The following SUGCT variants were observed in gnomAD, a reference collection of about 807,000 sequenced individuals.
SUGCT encodes succinyl-CoA:glutarate-CoA transferase.
Under a neutral mutation model 55.0 loss-of-function variants are expected in SUGCT, and 41 were observed. The ratio of observed to expected loss-of-function variants is 0.74; its 90% CI spans 0.58 to 0.97. The LOEUF (loss-of-function observed/expected upper bound fraction) is 0.97. Ranked by LOEUF, SUGCT falls within the 50% of genes least tolerant of loss-of-function variation. SUGCT has a pLI of 0.00. For missense variants in SUGCT, 568 were observed against 547.8 expected (o/e 1.04, Z -0.37); for synonymous variants, 187 against 200.4 (o/e 0.93, Z 0.56).
Position 40,160,921 on chromosome 7 carries a change from T to C in SUGCT, c.101-20026T>C, listed in dbSNP as rs184928045. On this transcript the variant is annotated intron_variant, in intron 1 of 13. Coordinates refer to ENST00000335693, the MANE Select transcript of SUGCT (RefSeq NM_001193313.2). ...ATGATTTTCATAGCATACTGATATA[T>C]ACACACACACACATATATATAATAT... Among the ~76,000 whole-genome samples, 1,050 of 152,050 alleles carry C rather than the reference T, an allele frequency of 6.9e-3. 8 individuals are homozygous for C. The highest frequency in any genetic ancestry group is 0.011 in the Non-Finnish European group (731 of 67,964).
intron 13 of SUGCT, among the ~76,000 whole-genome samples, chr7:40,752,994 T>C (rs1788091699): frequency 6.6e-6 from 1 of 152,178 alleles, no homozygotes; most frequent in African/African-American, 2.4e-5. Context: ...CTAGTTAATG[T>C]TTGGAATTAG....
At chr7:40,140,478 G>A (rs1787924888) in intron 1 of SUGCT, among the ~76,000 whole-genome samples, 1 of 152,122 alleles carries the variant, frequency 6.6e-6, no homozygotes, top group Admixed American at 6.5e-5. Context: ...TCAGTTCATT[G>A]CAACCTCCGC....
intron 7 of SUGCT, among the ~76,000 whole-genome samples, chr7:40,238,778 G>A (rs1298797502): frequency 3.4e-5 from 5 of 147,028 alleles, no homozygotes; most frequent in African/African-American, 7.5e-5. Context: ...TTTCATCTTC[G>A]TTTCATTTTC....
At chr7:40,539,078 CAA>C (rs34855051) in intron 12 of SUGCT, 70 of 103,496 alleles carry the variant, frequency 6.8e-4, no homozygotes, top group African/African-American at 7.6e-4. Flanking sequence ...GACTCCATCT[CAA>C]AAAAAAAAAA....
the SUGCT span, among the ~76,000 whole-genome samples, chr7:40,911,739 A>G: frequency 3.3e-5 from 5 of 152,154 alleles, no homozygotes; most frequent in Non-Finnish European, 5.9e-5. Context: ...GTCTCCACAC[A>G]TTGCCAAATG....
the SUGCT span, among the ~76,000 whole-genome samples, chr7:41,014,484 A>G: frequency 1.3e-5 from 2 of 152,224 alleles, no homozygotes; most frequent in Non-Finnish European, 2.9e-5. Flanking sequence ...ATCAAATAGC[A>G]CAATTTTCTT....
intron 9 of SUGCT, among the ~76,000 whole-genome samples, chr7:40,407,106 A>G (rs1786412945): frequency 6.6e-6 from 1 of 152,190 alleles, no homozygotes; most frequent in Admixed American, 6.5e-5. Flanking sequence ...GAAGACTACA[A>G]CAAAGAAAAC....
the SUGCT span, among the ~76,000 whole-genome samples, chr7:40,899,689 C>T: frequency 6.6e-6 from 1 of 151,990 alleles, no homozygotes; most frequent in Non-Finnish European, 1.5e-5. Flanking sequence ...ATATCACCCC[C>T]ACAACACAGT....
chr7:40,838,568 T>C (rs1793110062), intron 13 of SUGCT, among the ~76,000 whole-genome samples: 1 of 152,222 alleles, frequency 6.6e-6, no homozygotes, highest in Non-Finnish European at 1.5e-5. Context: ...TATTACTACA[T>C]AGAAATGTGA....
chr7:40,871,688 T>A, the SUGCT span, among the ~76,000 whole-genome samples: 1 of 131,656 alleles, frequency 7.6e-6, no homozygotes, highest in African/African-American at 2.9e-5. Context: ...ACCCCGCCAG[T>A]GAGCCTCACC....
At chr7:40,314,484 C>A (rs779628408) in intron 8 of SUGCT, among the ~76,000 whole-genome samples, 5 of 150,836 alleles carry the variant, frequency 3.3e-5, no homozygotes, top group Non-Finnish European at 7.4e-5. Flanking sequence ...TGAAAAGAGA[C>A]CTGAGAAGTC....
intron 12 of SUGCT, among the ~76,000 whole-genome samples, chr7:40,571,363 T>G (rs1335948337): frequency 6.6e-6 from 1 of 151,712 alleles, no homozygotes; most frequent in Non-Finnish European, 1.5e-5. Flanking sequence ...CTGTTACTTT[T>G]TTCTTTGACT....
rs377275962 is a variant in SUGCT, at chr7:40,145,795, G to A, written c.100+10675G>A. On this transcript the variant is annotated intron_variant, in intron 1 of 13. Transcript: ENST00000335693. Reference sequence around the variant, plus strand: ...AGGCTTGGCTGAGTACAAACAGCTGGCACGTTTGAGCAGCCCAATTATTAG... The same window carrying A: ...AGGCTTGGCTGAGTACAAACAGCTGACACGTTTGAGCAGCCCAATTATTAG... Among the ~76,000 whole-genome samples, 59 of 152,266 alleles carry A rather than the reference G, an allele frequency of 3.9e-4. 1 individual carries two copies. The South Asian group carries it at 0.012, about 31-fold the overall frequency.
chr7:40,367,277 A>AG (rs1280445057), intron 9 of SUGCT, among the ~76,000 whole-genome samples: 6 of 78,830 alleles, frequency 7.6e-5, no homozygotes, highest in Admixed American at 4.8e-4. Context: ...GGGTGGGGGG[A>AG]GGGGGGGAGG....
chr7:40,566,781 T>G (rs1251135297), intron 12 of SUGCT, among the ~76,000 whole-genome samples: 2 of 152,184 alleles, frequency 1.3e-5, no homozygotes, highest in African/African-American at 4.8e-5. Context: ...TAATTGAAAA[T>G]TTTATGCCAT....
At chr7:40,885,118 G>A in the SUGCT span, among the ~76,000 whole-genome samples, 1 of 152,190 alleles carries the variant, frequency 6.6e-6, no homozygotes, top group Admixed American at 6.5e-5. Context: ...AGTGATAGTA[G>A]TGGTAGTTGG....
chr7:40,958,300 A>G, the SUGCT span, among the ~76,000 whole-genome samples: 4 of 152,076 alleles, frequency 2.6e-5, no homozygotes, highest in African/African-American at 4.8e-5. Context: ...AGGTACACCA[A>G]TTAAGCATAG....
At chr7:40,282,560 A>G (rs1793035285) in intron 8 of SUGCT, among the ~76,000 whole-genome samples, 1 of 151,998 alleles carries the variant, frequency 6.6e-6, no homozygotes, top group South Asian at 2.1e-4. Context: ...ATGAGGTTGG[A>G]CCCTTATCTT....
At chr7:40,877,622 C>T in the SUGCT span, among the ~76,000 whole-genome samples, 2 of 152,144 alleles carry the variant, frequency 1.3e-5, no homozygotes, top group South Asian at 4.1e-4. Flanking sequence ...AATTTACATC[C>T]CTGTGAGAGA....
Sources: gnomAD v4.1 joint callset for allele counts (sites outside exome capture counted in the v4.1 genomes callset) on GRCh38, gnomAD v4.1.1 for gene constraint, MANE v1.5 for transcripts, NCBI Gene and HGNC (gene_info 2026-07-23, HGNC 2026-07-21) for gene names.